VPS13D: variants seen among roughly 807,000 people sequenced by gnomAD.
The protein encoded by VPS13D is intermembrane lipid transfer protein VPS13D.
In VPS13D, 187 loss-of-function variants were observed where a neutral mutation model predicts 461.9. The observed-to-expected ratio is 0.40, with a 90% CI of 0.36 to 0.46. The LOEUF (loss-of-function observed/expected upper bound fraction) is 0.46, where lower values mean the gene tolerates loss of function less well. Among genes scored for constraint, VPS13D ranks in the 20% least tolerant of loss-of-function variants. The pLI is 0.60. For synonymous variants in VPS13D, 1,951 were observed against 1,986.3 expected (o/e 0.98, Z 0.47); for missense variants, 4,711 against 5,364.9 (o/e 0.88, Z 3.81).
At chr1:12,449,538 T>A (rs888989369) in intron 65 of VPS13D, among the ~76,000 whole-genome samples, 4 of 152,196 alleles carry the variant, frequency 2.6e-5, no homozygotes, top group African/African-American at 9.7e-5. Context: ...CTCTTCTCTG[T>A]TTATGAGTAT....
chr1:12,290,849 G>A (rs1642111976), intron 22 of VPS13D, 149 bp from the exon 23 acceptor site: 1 of 598,992 alleles, frequency 1.7e-6, no homozygotes, highest in Non-Finnish European at 2.6e-6. Flanking sequence ...ATTTTTTGGG[G>A]TATATTGGAA....
intron 32 of VPS13D, among the ~76,000 whole-genome samples, chr1:12,320,821 T>C (rs1643015560): frequency 6.6e-6 from 1 of 152,200 alleles, no homozygotes; most frequent in African/African-American, 2.4e-5. Flanking sequence ...TGGCAAAATA[T>C]TTGAGATCGC....
Position 12,304,592 on chromosome 1 carries a change from T to C in VPS13D, c.6303T>C (p.His2101=). 1 of 1,614,094 alleles carries C rather than the reference T, an allele frequency of 6.2e-7. No homozygotes were observed. Among genetic ancestry groups the C allele is most frequent in the Non-Finnish European group, 8.5e-7 (1 of 1,180,024 alleles). Residue 2101 remains histidine, a synonymous_variant, in exon 26 of 70, where the codon CAT becomes CAC. Transcript: ENST00000620676. The stretch of plus-strand genomic sequence containing the variant: ...GCACGGAGGAGCCCAGGGGAACCCA[T>C]TCCCAGGGGCAGTTCACGATGCCTC... The part of the protein sequence containing the change: ...TTSTEEPRGT[H]SQGQFTMPLA...
At chr1:12,372,701 T>C (rs1326378695) in intron 54 of VPS13D, among the ~76,000 whole-genome samples, 1 of 152,150 alleles carries the variant, frequency 6.6e-6, no homozygotes, top group Admixed American at 6.5e-5. Flanking sequence ...AAGTTTCTCA[T>C]TTTGGTCACA....
At chr1:12,259,545 TTGCCC>T (rs2101279509) in intron 10 of VPS13D, among the ~76,000 whole-genome samples, 1 of 152,154 alleles carries the variant, frequency 6.6e-6, no homozygotes, top group Admixed American at 6.5e-5. Flanking sequence ...CTCAAGCAAT[TTGCCC>T]GCTTTGGCCT....
At chr1:12,315,804 C>G (rs1642870799) in intron 30 of VPS13D, among the ~76,000 whole-genome samples, 1 of 152,160 alleles carries the variant, frequency 6.6e-6, no homozygotes, top group African/African-American at 2.4e-5. Flanking sequence ...TCTGTTTGTT[C>G]CATCTGGAGA....
At chr1:12,335,675 C>T (rs781561179) in intron 38 of VPS13D, 30 bp from the exon 39 acceptor site, 1 of 1,566,052 alleles carries the variant, frequency 6.4e-7, no homozygotes, top group South Asian at 1.2e-5. Context: ...TTTTTTAGTT[C>T]TCTTAATATC....
intron 62 of VPS13D, 109 bp downstream of exon 62, chr1:12,401,813 C>T (rs1452657187): frequency 2.5e-6 from 2 of 794,482 alleles, no homozygotes; most frequent in Non-Finnish European, 2.1e-6. Flanking sequence ...GCTCCCTTTC[C>T]ACATCTCAGC....
chr1:12,504,790 G>A (rs756994189), intron 68 of VPS13D, among the ~76,000 whole-genome samples: 3 of 152,226 alleles, frequency 2.0e-5, no homozygotes, highest in Non-Finnish European at 4.4e-5. Context: ...AAAAGAGTCT[G>A]TTTGAAAGCC....
chr1:12,335,440 G>A (rs750500726), intron 38 of VPS13D, among the ~76,000 whole-genome samples: 96 of 152,140 alleles, frequency 6.3e-4, no homozygotes, highest in Non-Finnish European at 1.1e-3. Context: ...GGATTTTATT[G>A]AATCTATAGA....
chr1:12,243,767 A>G (rs1159062420), intron 3 of VPS13D, among the ~76,000 whole-genome samples: 3 of 152,208 alleles, frequency 2.0e-5, no homozygotes, highest in Non-Finnish European at 4.4e-5. Flanking sequence ...CTTTATTGAG[A>G]GAAGGCCAGC....
intron 21 of VPS13D, among the ~76,000 whole-genome samples, chr1:12,285,889 A>G (rs914324060): frequency 2.6e-5 from 4 of 152,084 alleles, no homozygotes; most frequent in African/African-American, 4.8e-5. Flanking sequence ...CTCATTTACA[A>G]AATAAGGAGA....
intron 65 of VPS13D, among the ~76,000 whole-genome samples, chr1:12,422,352 T>C (rs1644875068): frequency 6.6e-6 from 1 of 152,252 alleles, no homozygotes; most frequent in Non-Finnish European, 1.5e-5. Context: ...ATAACTTTTA[T>C]AGTTGTATGG....
At chr1:12,484,262 C>T (rs1310701677) in intron 67 of VPS13D, among the ~76,000 whole-genome samples, 1 of 152,140 alleles carries the variant, frequency 6.6e-6, no homozygotes, top group Non-Finnish European at 1.5e-5. Context: ...CATATAGTGC[C>T]GGACCACCCC....
intron 65 of VPS13D, among the ~76,000 whole-genome samples, chr1:12,443,445 C>T (rs1369071797): frequency 3.3e-5 from 5 of 152,174 alleles, no homozygotes; most frequent in African/African-American, 9.7e-5. Context: ...TATTCTTGTT[C>T]ATGTTTCCTG....
chr1:12,401,011 C>G (rs1333166552), intron 61 of VPS13D, among the ~76,000 whole-genome samples: 2 of 149,152 alleles, frequency 1.3e-5, no homozygotes, highest in African/African-American at 5.0e-5. Context: ...CACAATAACC[C>G]TGAAATATTG....
chr1:12,415,000 T>C, intron 63 of VPS13D, 87 bp from the exon 64 acceptor site: 1 of 1,500,570 alleles, frequency 6.7e-7, no homozygotes, highest in Admixed American at 1.9e-5. Context: ...TTAACATGAC[T>C]TGTAGCTTTA....
chr1:12,244,500 C>G, intron 4 of VPS13D, 37 bp from the exon 5 acceptor site: 1 of 1,613,756 alleles, frequency 6.2e-7, no homozygotes, highest in South Asian at 1.1e-5. Context: ...TGAGCAAGAA[C>G]ACTAGATTGA....
intron 6 of VPS13D, chr1:12,249,543 A>T (rs959214258): frequency 1.9e-5 from 8 of 421,922 alleles, no homozygotes; most frequent in Non-Finnish European, 2.5e-5. Flanking sequence ...ACCTTTGGTT[A>T]TATCACTTTC....
Sources: gnomAD v4.1 joint callset for allele counts (sites outside exome capture counted in the v4.1 genomes callset) on GRCh38, gnomAD v4.1.1 for gene constraint, MANE v1.5 for transcripts, NCBI Gene and HGNC (gene_info 2026-07-23, HGNC 2026-07-21) for gene names.